The following SGK3 variants were observed in gnomAD, a reference collection of about 807,000 sequenced individuals.
SGK3 encodes the protein serum/glucocorticoid regulated kinase family member 3.
SGK3 carries 47 observed loss-of-function variants against 68.5 expected under a neutral mutation model. That is an observed-to-expected ratio of 0.69 (90% confidence interval 0.54 to 0.87). The LOEUF (loss-of-function observed/expected upper bound fraction) is 0.87, where lower values mean the gene tolerates loss of function less well. Ranked by LOEUF, SGK3 falls within the 40% of genes least tolerant of loss-of-function variation. The pLI, the probability that SGK3 is intolerant of heterozygous loss-of-function variation, is 0.00. For synonymous variants in SGK3, 181 were observed against 189.1 expected, an observed-to-expected ratio of 0.96 and a Z score of 0.35; for missense variants, 479 against 575.5, an observed-to-expected ratio of 0.83 and a Z score of 1.72.
intron 1 of SGK3, among the ~76,000 whole-genome samples, chr8:66,728,210 T>C (rs1311226965): frequency 6.6e-6 from 1 of 152,236 alleles, no homozygotes; most frequent in East Asian, 1.9e-4. Flanking sequence ...TCACCTAGTC[T>C]GGACATTTTA....
At chr8:66,737,265 T>G (rs1805347944) in intron 1 of SGK3, 1 of 152,024 alleles carries the variant, frequency 6.6e-6, no homozygotes, top group Admixed American at 6.6e-5. Context: ...ATGCCTATAA[T>G]CCCAGCACTT....
chr8:66,852,279 T>A (rs1321567062), intron 16 of SGK3, among the ~76,000 whole-genome samples: 1 of 131,024 alleles, frequency 7.6e-6, no homozygotes, highest in Non-Finnish European at 1.7e-5. Context: ...AAGGAATCCT[T>A]TTTTTTTTTT....
intron 1 of SGK3, among the ~76,000 whole-genome samples, chr8:66,761,206 A>G (rs1279167577): frequency 6.6e-6 from 1 of 152,134 alleles, no homozygotes; most frequent in Non-Finnish European, 1.5e-5. Context: ...CCTGGCCTCA[A>G]GCAATCCTCC....
intron 10 of SGK3, among the ~76,000 whole-genome samples, chr8:66,839,558 T>TG (rs57094416): frequency 2.0e-5 from 2 of 98,120 alleles, no homozygotes; most frequent in African/African-American, 5.6e-5. Context: ...TATATATATA[T>TG]TTTCATATGG....
intron 1 of SGK3, among the ~76,000 whole-genome samples, chr8:66,753,584 G>A (rs1463073618): frequency 1.3e-5 from 2 of 152,280 alleles, no homozygotes; most frequent in East Asian, 1.9e-4. Context: ...CAGCACTTTG[G>A]GAGGCCCAGG....
intron 1 of SGK3, among the ~76,000 whole-genome samples, chr8:66,721,294 G>C (rs988328742): frequency 1.5e-4 from 23 of 152,214 alleles, no homozygotes; most frequent in African/African-American, 5.5e-4. Context: ...GCAGGTGTGG[G>C]CTCCTGCACC....
intron 10 of SGK3, 39 bp downstream of exon 10, chr8:66,836,113 G>C (rs745664181): frequency 6.4e-7 from 1 of 1,572,960 alleles, no homozygotes; most frequent in Non-Finnish European, 8.6e-7. Context: ...TAATAGTTTA[G>C]AAAAATAGCA....
At position 66,859,737 on chromosome 8, in the gene SGK3, GA is replaced by G; in HGVS notation, c.*161del. The stretch of plus-strand genomic sequence containing the variant: ...AAAATGTATTTTCTTCTATGTGCAA[GA>G]AAAATAGGGCATTTCAAAGAGCTGT... On this transcript the variant is annotated 3_prime_UTR_variant, in exon 17 of 17. Coordinates refer to ENST00000521198, the MANE Select transcript of SGK3 (RefSeq NM_001033578.3). 1 of 805,978 alleles carries G rather than the reference GA, an allele frequency of 1.2e-6. No individual in the cohort carries two copies. Among genetic ancestry groups the G allele is most frequent in the Non-Finnish European group, 1.7e-6 (1 of 582,050 alleles). The allele number at this position is 805,978 out of a possible 1,614,324, so 49.9% of individuals were successfully genotyped here. A position where few individuals can be genotyped will look rare whatever the true frequency, so the allele number is the denominator to read the frequency against.
chr8:66,770,393 A>G (rs1007101083), intron 1 of SGK3, among the ~76,000 whole-genome samples: 11 of 152,110 alleles, frequency 7.2e-5, no homozygotes, highest in Admixed American at 6.6e-5. Flanking sequence ...ATATTTTTCT[A>G]TTCTTACAAT....
chr8:66,859,358 A>G, intron 16 of SGK3, 53 bp from the exon 17 acceptor site: 2 of 1,480,914 alleles, frequency 1.4e-6, no homozygotes, highest in Non-Finnish European at 1.8e-6. Flanking sequence ...ATAAAGGATT[A>G]AATTAATGAA....
intron 4 of SGK3, 92 bp downstream of exon 4, chr8:66,804,539 G>A (rs1255037468): frequency 1.6e-6 from 2 of 1,259,162 alleles, no homozygotes; most frequent in Admixed American, 4.2e-5. Context: ...AGCAGTGCAG[G>A]ACTTTAAAAG....
At chr8:66,792,088 G>T (rs1300833931) in intron 1 of SGK3, among the ~76,000 whole-genome samples, 1 of 152,152 alleles carries the variant, frequency 6.6e-6, no homozygotes, top group Non-Finnish European at 1.5e-5. Flanking sequence ...CCAGCACTTT[G>T]GAAGGCCGAG....
chr8:66,846,296 T>A (rs1201262197), intron 14 of SGK3, among the ~76,000 whole-genome samples: 1 of 152,134 alleles, frequency 6.6e-6, no homozygotes, highest in African/African-American at 2.4e-5. Context: ...CCTGTACAGC[T>A]CATTTTTTTT....
intron 1 of SGK3, among the ~76,000 whole-genome samples, chr8:66,725,267 G>C (rs1319340959): frequency 2.0e-5 from 3 of 152,016 alleles, no homozygotes; most frequent in South Asian, 4.1e-4. Flanking sequence ...TGGGCACAGT[G>C]GTGGGCGCCT....
At chr8:66,824,040 T>G (rs1363631761) in intron 6 of SGK3, among the ~76,000 whole-genome samples, 1 of 152,178 alleles carries the variant, frequency 6.6e-6, no homozygotes, top group African/African-American at 2.4e-5. Context: ...GTCCTAGAGC[T>G]AAAACCTTCA....
At chr8:66,805,125 A>G (rs1335653754) in intron 4 of SGK3, among the ~76,000 whole-genome samples, 2 of 151,974 alleles carry the variant, frequency 1.3e-5, no homozygotes, top group African/African-American at 4.8e-5. Context: ...AACTTTACAG[A>G]CTTTAAATCA....
rs142260784 is a variant in SGK3 at position 66,796,109 on chromosome 8, G to T, written c.96+2277G>T. Among the ~76,000 whole-genome samples, 440 of 151,836 alleles carry T rather than the reference G, an allele frequency of 2.9e-3. 1 individual carries two copies. Among genetic ancestry groups the T allele is most frequent in the Admixed American group, 7.2e-3 (110 of 15,240 alleles). On this transcript the variant is annotated intron_variant, in intron 2 of 16. Coordinates refer to ENST00000521198, the MANE Select transcript of SGK3 (RefSeq NM_001033578.3). The stretch of plus-strand genomic sequence containing the variant: ...AACACAGATGCTGTGTTCAGCCTGG[G>T]TACTCATGTTATCGATAATATTTTT...
At chr8:66,790,035 G>C (rs951380707) in intron 1 of SGK3, among the ~76,000 whole-genome samples, 2 of 151,960 alleles carry the variant, frequency 1.3e-5, no homozygotes, top group Non-Finnish European at 2.9e-5. Flanking sequence ...CCAAGATTGC[G>C]CCACTGCACT....
At chr8:66,813,813 C>T (rs1301146042) in intron 4 of SGK3, 40 bp from the exon 5 acceptor site, 1 of 1,500,568 alleles carries the variant, frequency 6.7e-7, no homozygotes. Context: ...ATTGCATAGT[C>T]TGACATAAAT....
Sources: allele counts gnomAD v4.1 joint callset (sites outside exome capture counted in the v4.1 genomes callset), GRCh38; gene constraint gnomAD v4.1.1; transcripts MANE v1.5; gene names NCBI Gene and HGNC (gene_info 2026-07-23, HGNC 2026-07-21).